Variants in TMEM132C observed in about 807,000 individuals in gnomAD.
TMEM132C encodes protein phosphatase 1, regulatory subunit 152.
Under a neutral mutation model 61.4 loss-of-function variants are expected in TMEM132C, and 29 were observed. The ratio of observed to expected loss-of-function variants is 0.47; its 90% CI spans 0.35 to 0.64. The LOEUF is 0.64. Ranked by LOEUF, TMEM132C falls within the 30% of genes least tolerant of loss-of-function variation. The pLI, the probability that TMEM132C is intolerant of heterozygous loss-of-function variation, is 0.00. For synonymous variants in TMEM132C, 656 were observed against 633.1 expected (o/e 1.04, Z -0.54); for missense variants, 1,408 against 1,476.9 (o/e 0.95, Z 0.76).
intron 8 of TMEM132C, among the ~76,000 whole-genome samples, chr12:128,704,768 C>T (rs889448822): frequency 4.6e-5 from 7 of 152,146 alleles, no homozygotes; most frequent in African/African-American, 1.4e-4. Context: ...GAACATGCAC[C>T]GGCTGACTGA....
At chr12:128,441,827 T>C (rs752620422) in intron 2 of TMEM132C, among the ~76,000 whole-genome samples, 16 of 152,098 alleles carry the variant, frequency 1.1e-4, no homozygotes, top group African/African-American at 3.9e-4. Context: ...AACACATGTC[T>C]ACTAAAAATA....
chr12:128,455,568 G>A (rs1315441753), intron 2 of TMEM132C, among the ~76,000 whole-genome samples: 9 of 152,206 alleles, frequency 5.9e-5, no homozygotes, highest in Admixed American at 5.9e-4. Flanking sequence ...TCAGGAGAGA[G>A]TGCTCCTTAC....
intron 2 of TMEM132C, among the ~76,000 whole-genome samples, chr12:128,528,470 C>T (rs1873170798): frequency 6.6e-6 from 1 of 152,152 alleles, no homozygotes; most frequent in Admixed American, 6.6e-5. Flanking sequence ...TTTTGGGGAG[C>T]GCGGCTGGGC....
At chr12:128,269,730 C>A (rs554441402) in intron 1 of TMEM132C, among the ~76,000 whole-genome samples, 14 of 152,072 alleles carry the variant, frequency 9.2e-5, no homozygotes, top group Non-Finnish European at 1.8e-4. Flanking sequence ...TTCATTCCCC[C>A]CTCGGATTCC....
intron 1 of TMEM132C, among the ~76,000 whole-genome samples, chr12:128,360,245 GACACACACACACACACACAC>G (rs145728632): frequency 6.8e-6 from 1 of 145,998 alleles, no homozygotes; most frequent in Non-Finnish European, 1.5e-5. Context: ...GATAAAGGAC[GACACACACACACACACACAC>G]ACACACACAC....
intron 1 of TMEM132C, among the ~76,000 whole-genome samples, chr12:128,401,670 C>A (rs1222288262): frequency 1.3e-5 from 2 of 152,198 alleles, no homozygotes; most frequent in Admixed American, 1.3e-4. Flanking sequence ...CATTGCCCTT[C>A]TCCCAGTTAT....
intron 1 of TMEM132C, among the ~76,000 whole-genome samples, chr12:128,398,497 G>A (rs981934667): frequency 6.6e-6 from 1 of 152,196 alleles, no homozygotes; most frequent in African/African-American, 2.4e-5. Flanking sequence ...ACCTTGTTAT[G>A]ATGTTGGCAC....
intron 4 of TMEM132C, among the ~76,000 whole-genome samples, chr12:128,641,541 T>C (rs994712494): frequency 1.8e-4 from 27 of 152,086 alleles, no homozygotes; most frequent in African/African-American, 6.5e-4. Flanking sequence ...GAGGCAGAGA[T>C]TGGAGTGAGG....
chr12:128,495,799 G>A (rs1399917392), intron 2 of TMEM132C, among the ~76,000 whole-genome samples: 1 of 152,064 alleles, frequency 6.6e-6, no homozygotes, highest in African/African-American at 2.4e-5. Context: ...TTGCCAGTCT[G>A]TGTCTTTTAA....
At chr12:128,540,375 T>C (rs1873693324) in intron 2 of TMEM132C, among the ~76,000 whole-genome samples, 1 of 152,162 alleles carries the variant, frequency 6.6e-6, no homozygotes, top group Non-Finnish European at 1.5e-5. Context: ...TGCCTCAGCC[T>C]CCCGAGTAGC....
At chr12:128,321,388 G>A (rs1176528531) in intron 1 of TMEM132C, among the ~76,000 whole-genome samples, 5 of 152,110 alleles carry the variant, frequency 3.3e-5, no homozygotes, top group Admixed American at 3.3e-4. Flanking sequence ...TCAGAAGGCT[G>A]CATATCATAT....
At chr12:128,373,027 G>T (rs1208240667) in intron 1 of TMEM132C, among the ~76,000 whole-genome samples, 1 of 152,182 alleles carries the variant, frequency 6.6e-6, no homozygotes, top group African/African-American at 2.4e-5. Flanking sequence ...TATTAGACCA[G>T]TCAGGACTGC....
chr12:128,542,859 C>CAAAAA (rs59362697), intron 2 of TMEM132C, among the ~76,000 whole-genome samples: 2 of 81,544 alleles, frequency 2.5e-5, no homozygotes, highest in Admixed American at 2.7e-4. Context: ...TACTTCGATG[C>CAAAAA]AAAAAAAAAA....
At chr12:128,516,700 C>T (rs1872730715) in intron 2 of TMEM132C, among the ~76,000 whole-genome samples, 2 of 151,902 alleles carry the variant, frequency 1.3e-5, no homozygotes. Context: ...TCGCTTGAGG[C>T]CAGAAGTTCA....
At chr12:128,700,582 C>A (rs1954796965) in intron 8 of TMEM132C, among the ~76,000 whole-genome samples, 1 of 152,152 alleles carries the variant, frequency 6.6e-6, no homozygotes, top group Non-Finnish European at 1.5e-5. Context: ...TATCTCACCC[C>A]TTAGAGTGTA....
At chr12:128,626,762 A>G (rs1035589860) in intron 4 of TMEM132C, among the ~76,000 whole-genome samples, 1 of 152,088 alleles carries the variant, frequency 6.6e-6, no homozygotes, top group Non-Finnish European at 1.5e-5. Context: ...GCATTTCAAT[A>G]CAATTGATTT....
intron 1 of TMEM132C, among the ~76,000 whole-genome samples, chr12:128,276,380 G>C (rs906814934): frequency 2.0e-5 from 3 of 152,164 alleles, no homozygotes; most frequent in African/African-American, 4.8e-5. Flanking sequence ...CAATATCGGG[G>C]AATAGGAAAA....
At chr12:128,584,893 C>T (rs1875483828) in intron 3 of TMEM132C, among the ~76,000 whole-genome samples, 2 of 152,198 alleles carry the variant, frequency 1.3e-5, no homozygotes, top group South Asian at 2.1e-4. Context: ...AGCTGGCTTT[C>T]CCCAGAGCAC....
intron 4 of TMEM132C, among the ~76,000 whole-genome samples, chr12:128,662,364 C>T (rs1412344799): frequency 6.6e-6 from 1 of 152,184 alleles, no homozygotes; most frequent in East Asian, 1.9e-4. Flanking sequence ...AATCCATAAA[C>T]ATTATCTGAT....
Sources: gnomAD v4.1 joint callset for allele counts (sites outside exome capture counted in the v4.1 genomes callset) on GRCh38, gnomAD v4.1.1 for gene constraint, MANE v1.5 for transcripts, NCBI Gene and HGNC (gene_info 2026-07-23, HGNC 2026-07-21) for gene names.